Variants in ARL13B observed in about 807,000 individuals in gnomAD.
The protein encoded by ARL13B is ARF like GTPase 13B, also known as ADP-ribosylation factor-like protein 13B.
In ARL13B, 36 loss-of-function variants were observed where a neutral mutation model predicts 56.1. The observed-to-expected ratio is 0.64, with a 90% CI of 0.49 to 0.85. ARL13B has a LOEUF of 0.85. Among genes scored for constraint, ARL13B ranks in the 40% least tolerant of loss-of-function variants. The probability of loss-of-function intolerance (pLI) is 0.00; values close to 1 mark genes in which losing one functional copy is unlikely to be tolerated. For synonymous variants in ARL13B, 178 were observed against 171.1 expected (o/e 1.04, Z -0.32); for missense variants, 519 against 507.1 (o/e 1.02, Z -0.23).
chr3:94,031,488 C>T (rs573322245), intron 3 of ARL13B, among the ~76,000 whole-genome samples: 6 of 152,208 alleles, frequency 3.9e-5, no homozygotes, highest in African/African-American at 1.4e-4. Flanking sequence ...CATAAAGAAG[C>T]TATCAAAGAC....
intron 3 of ARL13B, among the ~76,000 whole-genome samples, chr3:94,034,008 T>TC (rs1398622069): frequency 6.6e-6 from 1 of 151,624 alleles, no homozygotes; most frequent in Non-Finnish European, 1.5e-5. Context: ...TCAAAAAGAG[T>TC]TAAGTGATAA....
chr3:94,034,204 A>C (rs1040286215), intron 3 of ARL13B, among the ~76,000 whole-genome samples: 7 of 152,050 alleles, frequency 4.6e-5, no homozygotes, highest in African/African-American at 1.7e-4. Flanking sequence ...GAAGGTATGT[A>C]GATTTTAATG....
intron 2 of ARL13B, among the ~76,000 whole-genome samples, chr3:93,999,265 A>T (rs1466797897): frequency 6.6e-6 from 1 of 151,846 alleles, no homozygotes; most frequent in Non-Finnish European, 1.5e-5. Flanking sequence ...TTTTAGAGAC[A>T]GGGTATCACT....
At chr3:94,053,073 G>A in intron 9 of ARL13B, 114 bp from the exon 10 acceptor site, 1 of 851,682 alleles carries the variant, frequency 1.2e-6, no homozygotes, top group Non-Finnish European at 1.9e-6. Context: ...GATTCTGTAA[G>A]TTTATCTCTT....
chr3:93,997,582 A>G (rs2075988277), intron 2 of ARL13B, among the ~76,000 whole-genome samples: 1 of 152,212 alleles, frequency 6.6e-6, no homozygotes, highest in Non-Finnish European at 1.5e-5. Flanking sequence ...GTGGTCAGCA[A>G]ACTTTTTCTG....
At chr3:94,011,486 G>C (rs754027832) in intron 3 of ARL13B, among the ~76,000 whole-genome samples, 1 of 152,046 alleles carries the variant, frequency 6.6e-6, no homozygotes, top group Non-Finnish European at 1.5e-5. Context: ...GTTCTTTAAG[G>C]AAATAGAAAC....
At chr3:93,984,091 C>G (rs1189984029) in intron 1 of ARL13B, among the ~76,000 whole-genome samples, 4 of 152,208 alleles carry the variant, frequency 2.6e-5, no homozygotes, top group Non-Finnish European at 5.9e-5. Flanking sequence ...CACGGTGGCT[C>G]ACGCCTGTAG....
Position 94,036,630 on chromosome 3 carries a change from G to T in ARL13B, c.565G>T (p.Val189Phe). Residue 189 changes from valine (V) to phenylalanine (F), a missense_variant, in exon 5 of 10, where the codon GTT becomes TTT. Val to Phe is a conservative substitution (Grantham distance 50). Coordinates refer to ENST00000394222, the MANE Select transcript of ARL13B (RefSeq NM_001174150.2). ...AAAAGGCCTTTATTGGCTGCTACAT[G>T]TTATTGCAAGAGACTTTGATGCCTT... is the stretch of plus-strand genomic sequence containing the variant. Reference protein sequence around the residue: ...IKKGLYWLLHVIARDFDALNE... With the variant: ...IKKGLYWLLHFIARDFDALNE... 1 of 1,614,048 alleles carries T rather than the reference G, an allele frequency of 6.2e-7. No individual in the cohort carries two copies. The highest frequency in any genetic ancestry group is 8.5e-7 in the Non-Finnish European group (1 of 1,180,020).
At chr3:94,025,032 A>G (rs2076527071) in intron 3 of ARL13B, among the ~76,000 whole-genome samples, 1 of 152,186 alleles carries the variant, frequency 6.6e-6, no homozygotes, top group African/African-American at 2.4e-5. Flanking sequence ...TTTTCCTGTG[A>G]AGTGCCTTTG....
chr3:93,994,974 C>T (rs768511005), intron 1 of ARL13B, among the ~76,000 whole-genome samples: 2 of 152,180 alleles, frequency 1.3e-5, no homozygotes, highest in South Asian at 4.1e-4. Flanking sequence ...ACCCTATGGT[C>T]TAAATATGGC....
At position 94,055,180 on chromosome 3, in the gene ARL13B, G is replaced by A. The variant is rs924790430; in HGVS notation, c.*1917G>A. On this transcript the variant is annotated 3_prime_UTR_variant, in exon 10 of 10. Coordinates refer to ENST00000394222, the MANE Select transcript of ARL13B (RefSeq NM_001174150.2). The stretch of plus-strand genomic sequence containing the variant: ...TTTAAAAAATGTTTTGTAAATCCAG[G>A]TGTATTTTAACAATTAAATGCCTAT... The A allele has an allele frequency of 1.1e-5, 4 of 364,152 alleles. No homozygotes were observed. The highest frequency in any genetic ancestry group is 2.1e-5 in the Non-Finnish European group (4 of 189,226). 22.6% of individuals were successfully genotyped at this position (364,152 alleles called of 1,614,324 possible).
At chr3:94,010,599 A>G (rs564738107) in intron 3 of ARL13B, among the ~76,000 whole-genome samples, 2 of 152,092 alleles carry the variant, frequency 1.3e-5, no homozygotes, top group South Asian at 4.2e-4. Context: ...TTTAGTGCCT[A>G]TTAAGTGTGT....
In ARL13B at chr3:94,049,421, A is replaced by G. The variant is rs776234748; in HGVS notation, c.1040A>G (p.Lys347Arg). ...PSLESANGKK[K>R]TKKLRMKRNH... Reference sequence around the variant, plus strand: ...ATTCTTGTAGCTAATGGTAAAAAGAAAACTAAGAAACTAAGAATGAAAAGG... The same window carrying G: ...ATTCTTGTAGCTAATGGTAAAAAGAGAACTAAGAAACTAAGAATGAAAAGG... The change falls in exon 8 of 10, where the codon AAA becomes AGA. Residue 347 changes from lysine (K) to arginine (R), a missense_variant. Lys to Arg is a conservative substitution (Grantham distance 26). Coordinates refer to ENST00000394222, the MANE Select transcript of ARL13B (RefSeq NM_001174150.2). 25 of 1,602,562 alleles carry G rather than the reference A, an allele frequency of 1.6e-5. No homozygotes were observed. In the East Asian group the frequency reaches 5.4e-4, roughly 34 times the overall value.
At chr3:94,021,533 G>A (rs2076449301) in intron 3 of ARL13B, among the ~76,000 whole-genome samples, 1 of 152,124 alleles carries the variant, frequency 6.6e-6, no homozygotes, top group Non-Finnish European at 1.5e-5. Flanking sequence ...TCCAGGTATA[G>A]ATACTTAAAG....
At position 94,029,349 on chromosome 3, in the gene ARL13B, A is replaced by ATT. The variant is rs869211830; in HGVS notation, c.381-5968_381-5967dup. On this transcript the variant is annotated intron_variant, in intron 3 of 9. Coordinates refer to ENST00000394222, the MANE Select transcript of ARL13B (RefSeq NM_001174150.2). ...ATATATATATATTTATTTTTTTTTT[A>ATT]TTTTTTTTTTTTTTTGAGAAGGAGT... Among the ~76,000 whole-genome samples the ATT allele has an allele frequency of 4.8e-4, 42 of 88,058 alleles. 1 individual carries two copies. The highest frequency in any genetic ancestry group is 1.2e-3 in the South Asian group (3 of 2,440). The allele number at this position is 88,058 out of a possible 152,430, so 57.8% of individuals were successfully genotyped here. A position where few individuals can be genotyped will look rare whatever the true frequency, so the allele number is the denominator to read the frequency against.
At chr3:94,037,315 T>C (rs956696146) in intron 5 of ARL13B, among the ~76,000 whole-genome samples, 3 of 152,190 alleles carry the variant, frequency 2.0e-5, no homozygotes, top group African/African-American at 7.2e-5. Context: ...ATCTGATCCA[T>C]AGTTGCCTTC....
intron 3 of ARL13B, among the ~76,000 whole-genome samples, chr3:94,018,746 A>G (rs2076385471): frequency 6.6e-6 from 1 of 152,068 alleles, no homozygotes; most frequent in South Asian, 2.1e-4. Flanking sequence ...CCAGTTGCTC[A>G]GACCAGAGAC....
At chr3:94,045,734 G>A (rs538164685) in intron 7 of ARL13B, among the ~76,000 whole-genome samples, 47 of 151,618 alleles carry the variant, frequency 3.1e-4, no homozygotes, top group African/African-American at 1.1e-3. Flanking sequence ...AGGCTGAGGC[G>A]GGAGGATCAC....
chr3:94,025,001 A>C (rs764371856), intron 3 of ARL13B, among the ~76,000 whole-genome samples: 2 of 152,224 alleles, frequency 1.3e-5, no homozygotes, highest in Non-Finnish European at 2.9e-5. Context: ...CACAGTGTAC[A>C]CAGGCCTCTG....
Sources: allele counts gnomAD v4.1 joint callset (sites outside exome capture counted in the v4.1 genomes callset), GRCh38; gene constraint gnomAD v4.1.1; transcripts MANE v1.5; gene names NCBI Gene and HGNC (gene_info 2026-07-23, HGNC 2026-07-21).